The following GALNT14 variants were observed in gnomAD, a reference collection of about 807,000 sequenced individuals.
GALNT14 encodes UDP-GalNAc:polypeptide N-acetylgalactosaminyltransferase 14.
In GALNT14, 60 loss-of-function variants were observed where a neutral mutation model predicts 77.5. That is an observed-to-expected ratio of 0.77 (90% CI 0.63 to 0.96). The LOEUF (loss-of-function observed/expected upper bound fraction) is 0.96, where lower values mean the gene tolerates loss of function less well. GALNT14 is among the 40% of genes least tolerant of loss of function. The probability of loss-of-function intolerance (pLI) is 0.00; values close to 1 mark genes in which losing one functional copy is unlikely to be tolerated. For missense variants in GALNT14, 710 were observed against 731.0 expected, an observed-to-expected ratio of 0.97 and a Z score of 0.33; for synonymous variants, 280 against 281.7, an observed-to-expected ratio of 0.99 and a Z score of 0.06.
chr2:31,136,342 C>A (rs1052088894), intron 1 of GALNT14, among the ~76,000 whole-genome samples: 3 of 152,198 alleles, frequency 2.0e-5, no homozygotes, highest in African/African-American at 7.2e-5. Flanking sequence ...TTCCTCTGAG[C>A]CTGTTTCATG....
At chr2:31,051,786 A>G (rs1474718431) in intron 1 of GALNT14, among the ~76,000 whole-genome samples, 1 of 152,140 alleles carries the variant, frequency 6.6e-6, no homozygotes, top group African/African-American at 2.4e-5. Flanking sequence ...TGGGGCTTCC[A>G]CCGCTTCCTT....
the GALNT14 span, among the ~76,000 whole-genome samples, chr2:30,894,001 A>G: frequency 3.9e-5 from 6 of 152,180 alleles, no homozygotes; most frequent in African/African-American, 1.4e-4. Context: ...TTTAAATTAG[A>G]TTTTTCTAAA....
At chr2:30,942,768 T>C (rs1279076251) in intron 8 of GALNT14, among the ~76,000 whole-genome samples, 2 of 152,172 alleles carry the variant, frequency 1.3e-5, no homozygotes, top group African/African-American at 2.4e-5. Context: ...AGCACATCTG[T>C]TTCCTGAAAC....
intron 6 of GALNT14, among the ~76,000 whole-genome samples, chr2:30,951,474 G>GTTTCCTTTTGGGGTAATAAAAACT (rs1411118630): frequency 6.6e-6 from 1 of 152,116 alleles, no homozygotes; most frequent in Non-Finnish European, 1.5e-5. Flanking sequence ...TGGGTATGAG[G>GTTTCCTTTTGGGGTAATAAAAACT]TTTCCTTTTG....
In GALNT14 at chr2:30,987,977, C is replaced by T. The variant is rs375168728; in HGVS notation, c.299+4861G>A. ...TTCTTCACCCTTCTTTTTTCAGTAACGAGAACTCTTTAAGGGAAAAGCATT... is the reference window on the plus strand; with the variant it reads ...TTCTTCACCCTTCTTTTTTCAGTAATGAGAACTCTTTAAGGGAAAAGCATT... On this transcript the variant is annotated intron_variant, in intron 2 of 14. Transcript: ENST00000349752. Among the ~76,000 whole-genome samples, 10 of 152,168 alleles carry T rather than the reference C, an allele frequency of 6.6e-5. No individual in the cohort carries two copies. In the East Asian group the frequency reaches 9.6e-4, roughly 15 times the overall value.
At chr2:31,015,816 C>G (rs113781364) in intron 1 of GALNT14, among the ~76,000 whole-genome samples, 2 of 152,266 alleles carry the variant, frequency 1.3e-5, no homozygotes, top group Admixed American at 1.3e-4. Context: ...GTCAAGGTCA[C>G]GTAAGACAAG....
chr2:31,048,791 A>G (rs13008743), intron 1 of GALNT14, among the ~76,000 whole-genome samples: 113,262 of 151,822 alleles, frequency 0.75, 42,521 homozygotes, highest in East Asian at 0.99. Flanking sequence ...TCTTCATTGT[A>G]GGCCAGGTCA....
chr2:31,134,500 TGAA>T (rs1679137395), intron 1 of GALNT14, among the ~76,000 whole-genome samples: 1 of 152,232 alleles, frequency 6.6e-6, no homozygotes, highest in Admixed American at 6.5e-5. Context: ...TTCCTACTGT[TGAA>T]GAAACAATCT....
chr2:31,056,445 A>G (rs1674212536), intron 1 of GALNT14, among the ~76,000 whole-genome samples: 1 of 152,190 alleles, frequency 6.6e-6, no homozygotes, highest in African/African-American at 2.4e-5. Context: ...GGTTGGTCCA[A>G]GATCCTCAGC....
intron 1 of GALNT14, among the ~76,000 whole-genome samples, chr2:31,113,876 A>G (rs547383515): frequency 2.0e-5 from 3 of 152,324 alleles, no homozygotes; most frequent in African/African-American, 7.2e-5. Context: ...GGGCCCCAGT[A>G]CAACAGTGGG....
chr2:30,984,766 T>C (rs1181104908), intron 2 of GALNT14, among the ~76,000 whole-genome samples: 1 of 152,202 alleles, frequency 6.6e-6, no homozygotes, highest in African/African-American at 2.4e-5. Flanking sequence ...AAGAAGCCTC[T>C]GCCTCCCAGC....
Position 31,138,416 on chromosome 2 carries a change from T to G in GALNT14, c.-330A>C. The G allele has an allele frequency of 7.9e-6, 2 of 253,974 alleles. No homozygotes were observed. The highest frequency in any genetic ancestry group is 7.9e-5 in the East Asian group (1 of 12,646). The allele number at this position is 253,974 out of a possible 1,614,324, so 15.7% of individuals were successfully genotyped here. The stretch of plus-strand genomic sequence containing the variant: ...GCTGCCGCCGCCGCCGCCGCCGCCT[T>G]GCCCGCTGCCGCCGATAGGGAAACT... On this transcript the variant is annotated 5_prime_UTR_variant, in exon 1 of 15. Coordinates refer to ENST00000349752, the MANE Select transcript of GALNT14 (RefSeq NM_024572.4).
At chr2:31,057,290 A>C (rs1444784740) in intron 1 of GALNT14, among the ~76,000 whole-genome samples, 1 of 102,552 alleles carries the variant, frequency 9.8e-6, no homozygotes, top group East Asian at 3.4e-4. Flanking sequence ...TAAAAAGTTG[A>C]AATTATATAT....
At chr2:31,097,837 A>G (rs1368677141) in intron 1 of GALNT14, among the ~76,000 whole-genome samples, 6 of 152,126 alleles carry the variant, frequency 3.9e-5, no homozygotes, top group African/African-American at 1.4e-4. Flanking sequence ...ACAGATGGGA[A>G]AGAACCCAGA....
chr2:30,977,744 G>A lies in GALNT14; in HGVS notation c.300-11442C>T, dbSNP rs369285849. On this transcript the variant is annotated intron_variant, in intron 2 of 14. Transcript: ENST00000349752. ...TTCCCCAGGGGACTCACATCCGTGC[G>A]CCATTCTGGTCTGAAGCAGGGAGGG... 9.2e-5 allele frequency among the ~76,000 whole-genome samples: 14 copies of A among 152,196 alleles called. No individual in the cohort carries two copies. In the East Asian group the frequency reaches 1.7e-3, roughly 19 times the overall value.
At chr2:30,992,545 A>G (rs1033710458) in intron 2 of GALNT14, among the ~76,000 whole-genome samples, 11 of 152,096 alleles carry the variant, frequency 7.2e-5, no homozygotes, top group African/African-American at 2.4e-4. Flanking sequence ...TTGGTGCTCT[A>G]TGGGTTCGTG....
At chr2:31,005,793 G>A (rs939869711) in intron 1 of GALNT14, among the ~76,000 whole-genome samples, 2 of 152,190 alleles carry the variant, frequency 1.3e-5, no homozygotes, top group Admixed American at 6.5e-5. Context: ...CATCTCACAC[G>A]AGTTTGAGCA....
rs534242364 is a variant in GALNT14, at chr2:31,100,240, T to C, written c.129+37718A>G. Reference sequence around the variant, plus strand: ...ATGTACAATAAGTCCTTGAATACCATTTCCTTCAACATCTTTTTGTTATAA... The same window carrying C: ...ATGTACAATAAGTCCTTGAATACCACTTCCTTCAACATCTTTTTGTTATAA... On this transcript the variant is annotated intron_variant, in intron 1 of 14. Coordinates refer to ENST00000349752, the MANE Select transcript of GALNT14 (RefSeq NM_024572.4). 5.9e-5 allele frequency among the ~76,000 whole-genome samples: 9 copies of C among 152,188 alleles called. No homozygotes were observed. The South Asian group carries it at 1.7e-3, about 28-fold the overall frequency.
At chr2:30,947,590 C>A (rs1158725617) in intron 6 of GALNT14, among the ~76,000 whole-genome samples, 2 of 152,300 alleles carry the variant, frequency 1.3e-5, no homozygotes, top group East Asian at 3.9e-4. Context: ...TTTTGGACAG[C>A]TAAATGGGAA....
Sources: gnomAD v4.1 joint callset for allele counts (sites outside exome capture counted in the v4.1 genomes callset) on GRCh38, gnomAD v4.1.1 for gene constraint, MANE v1.5 for transcripts, NCBI Gene and HGNC (gene_info 2026-07-23, HGNC 2026-07-21) for gene names.